Variants in CA10 observed in about 807,000 individuals in gnomAD.
CA10 encodes the protein carbonic anhydrase-related protein 10.
Under a neutral mutation model 44.2 loss-of-function variants are expected in CA10, and 14 were observed. The observed-to-expected ratio is 0.32, with a 90% confidence interval of 0.21 to 0.50. The LOEUF (loss-of-function observed/expected upper bound fraction) is 0.50, where lower values mean the gene tolerates loss of function less well. Ranked by LOEUF, CA10 falls within the 20% of genes least tolerant of loss-of-function variation. The probability of loss-of-function intolerance (pLI) is 0.99; values close to 1 mark genes in which losing one functional copy is unlikely to be tolerated. For missense variants in CA10, 350 were observed against 409.7 expected (o/e 0.85, Z 1.26); for synonymous variants, 159 against 141.6 (o/e 1.12, Z -0.87).
chr17:51,861,318 G>A (rs1269197195), intron 3 of CA10, among the ~76,000 whole-genome samples: 1 of 152,064 alleles, frequency 6.6e-6, no homozygotes, highest in African/African-American at 2.4e-5. Flanking sequence ...CTCCAACGTT[G>A]CAGAACCAGC....
At position 52,149,386 on chromosome 17, in the gene CA10, C is replaced by T. The variant is rs544144109; in HGVS notation, c.61+8340G>A. Among the ~76,000 whole-genome samples, 20 of 152,336 alleles carry T rather than the reference C, an allele frequency of 1.3e-4. 1 individual carries two copies. In the South Asian group the frequency reaches 3.3e-3, roughly 25 times the overall value. On this transcript the variant is annotated intron_variant, in intron 1 of 8. Coordinates refer to ENST00000451037, the MANE Select transcript of CA10 (RefSeq NM_020178.5). ...TCCTTCATAACCTTTGATAATCTCT[C>T]CACTGCCATCCTGATGGCCCAGTAA...
At chr17:51,868,071 C>G (rs567084227) in intron 3 of CA10, among the ~76,000 whole-genome samples, 1 of 148,930 alleles carries the variant, frequency 6.7e-6, no homozygotes, top group South Asian at 2.1e-4. Flanking sequence ...CACACACACA[C>G]ACACACACAC....
At chr17:51,859,538 A>G (rs1052083707) in intron 3 of CA10, among the ~76,000 whole-genome samples, 2 of 152,080 alleles carry the variant, frequency 1.3e-5, no homozygotes, top group African/African-American at 4.8e-5. Flanking sequence ...TTTGTGGTAC[A>G]TGGTTCTCTG....
At chr17:51,946,115 G>A (rs541180582) in intron 2 of CA10, among the ~76,000 whole-genome samples, 1 of 152,278 alleles carries the variant, frequency 6.6e-6, no homozygotes, top group Admixed American at 6.5e-5. Flanking sequence ...ACTCACAGAA[G>A]CAGAGAACAG....
At chr17:52,052,343 T>C (rs1040856254) in intron 2 of CA10, among the ~76,000 whole-genome samples, 11 of 148,712 alleles carry the variant, frequency 7.4e-5, no homozygotes, top group African/African-American at 2.7e-4. Flanking sequence ...CCCTGATGAG[T>C]AGCCATTGAC....
At chr17:52,052,106 C>T (rs551968865) in intron 2 of CA10, among the ~76,000 whole-genome samples, 2 of 151,234 alleles carry the variant, frequency 1.3e-5, no homozygotes, top group East Asian at 2.0e-4. Context: ...TAGAGGGTAA[C>T]AATACATACT....
chr17:51,809,486 G>A (rs1337260734), intron 3 of CA10, among the ~76,000 whole-genome samples: 1 of 152,224 alleles, frequency 6.6e-6, no homozygotes, highest in Non-Finnish European at 1.5e-5. Context: ...CTGTCCCACA[G>A]AAGGACAGTG....
At chr17:51,993,559 C>G (rs1478794728) in intron 2 of CA10, among the ~76,000 whole-genome samples, 1 of 151,922 alleles carries the variant, frequency 6.6e-6, no homozygotes, top group Non-Finnish European at 1.5e-5. Flanking sequence ...GTTCTAAGGG[C>G]ATTATTATTT....
chr17:51,733,055 A>G (rs1028351005), intron 4 of CA10, among the ~76,000 whole-genome samples: 5 of 152,092 alleles, frequency 3.3e-5, no homozygotes, highest in African/African-American at 1.2e-4. Flanking sequence ...ACCCCATTTG[A>G]GTGCGTTTCT....
intron 3 of CA10, among the ~76,000 whole-genome samples, chr17:51,760,781 A>C (rs1287136488): frequency 6.6e-6 from 1 of 152,220 alleles, no homozygotes; most frequent in Non-Finnish European, 1.5e-5. Flanking sequence ...CTACATCTGT[A>C]ATTTTTAAAT....
chr17:52,132,792 T>C (rs541498652), intron 1 of CA10, among the ~76,000 whole-genome samples: 22 of 152,110 alleles, frequency 1.4e-4, no homozygotes, highest in African/African-American at 4.8e-4. Flanking sequence ...ATGTACCAGG[T>C]ACAGAAGAGA....
intron 2 of CA10, among the ~76,000 whole-genome samples, chr17:52,066,387 G>T (rs1220381562): frequency 6.6e-6 from 1 of 152,186 alleles, no homozygotes; most frequent in Non-Finnish European, 1.5e-5. Context: ...GTTTGGCTGG[G>T]TCCCCACCCA....
chr17:51,713,385 A>C (rs1184961927), intron 4 of CA10, among the ~76,000 whole-genome samples: 1 of 152,250 alleles, frequency 6.6e-6, no homozygotes, highest in African/African-American at 2.4e-5. Context: ...CCAAATATGC[A>C]TTAACTGAAC....
intron 2 of CA10, among the ~76,000 whole-genome samples, chr17:51,998,385 C>T (rs949624686): frequency 3.9e-5 from 6 of 152,048 alleles, no homozygotes; most frequent in African/African-American, 1.4e-4. Context: ...TGCCCTCCTG[C>T]AGTTCTTCAT....
intron 1 of CA10, among the ~76,000 whole-genome samples, chr17:52,086,107 T>C (rs991118142): frequency 2.0e-4 from 31 of 152,184 alleles, no homozygotes; most frequent in African/African-American, 7.5e-4. Context: ...TCATTCTAGG[T>C]CTTTATTTTG....
chr17:51,710,921 C>CTTTTTTTTTT (rs55854155), intron 4 of CA10, among the ~76,000 whole-genome samples: 7 of 84,470 alleles, frequency 8.3e-5, no homozygotes, highest in Non-Finnish European at 8.5e-5. Flanking sequence ...CAACATTTTG[C>CTTTTTTTTTT]TTTTTTTTTT....
At chr17:52,056,424 A>T (rs1284757085) in intron 2 of CA10, among the ~76,000 whole-genome samples, 1 of 152,052 alleles carries the variant, frequency 6.6e-6, no homozygotes, top group Non-Finnish European at 1.5e-5. Flanking sequence ...GATCATCAAA[A>T]CGGGTCCTTC....
At chr17:51,750,780 A>G (rs9902580) in intron 3 of CA10, among the ~76,000 whole-genome samples, 8,326 of 152,328 alleles carry the variant, frequency 0.055, 659 homozygotes, top group African/African-American at 0.18. Context: ...CATTGCTCCA[A>G]GTTCCTATGA....
chr17:51,832,950 G>C (rs1042824793), intron 3 of CA10, among the ~76,000 whole-genome samples: 1 of 152,124 alleles, frequency 6.6e-6, no homozygotes, highest in Non-Finnish European at 1.5e-5. Flanking sequence ...GGGAAGTATG[G>C]GTGGAGGCTT....
Sources: allele counts gnomAD v4.1 joint callset (sites outside exome capture counted in the v4.1 genomes callset), GRCh38; gene constraint gnomAD v4.1.1; transcripts MANE v1.5; gene names NCBI Gene and HGNC (gene_info 2026-07-23, HGNC 2026-07-21).